Variants in DYRK1A observed in about 807,000 individuals in gnomAD.
The protein encoded by DYRK1A is dual specificity tyrosine phosphorylation regulated kinase 1A.
Under a neutral mutation model 79.7 loss-of-function variants are expected in DYRK1A, and 9 were observed. That is an observed-to-expected ratio of 0.11 (90% CI 0.07 to 0.20). The LOEUF (loss-of-function observed/expected upper bound fraction) is 0.20, where lower values mean the gene tolerates loss of function less well. Among genes scored for constraint, DYRK1A ranks in the 10% least tolerant of loss-of-function variants. DYRK1A has a pLI of 1.00. For synonymous variants in DYRK1A, 349 were observed against 329.7 expected, an observed-to-expected ratio of 1.06 and a Z score of -0.63; for missense variants, 622 against 956.0, an observed-to-expected ratio of 0.65 and a Z score of 4.61.
At chr21:37,488,872 G>A (rs1419926007) in intron 6 of DYRK1A, 1 of 985,116 alleles carries the variant, frequency 1.0e-6, no homozygotes, top group Non-Finnish European at 1.2e-6. Context: ...AGGTATCATG[G>A]AACTATGTTT....
chr21:37,411,164 G>A (rs1330318992), intron 1 of DYRK1A, among the ~76,000 whole-genome samples: 8 of 151,068 alleles, frequency 5.3e-5, no homozygotes, highest in Admixed American at 5.3e-4. Flanking sequence ...GAGACCAGCT[G>A]ACCAACATGG....
At position 37,482,156 on chromosome 21, in the gene DYRK1A, C is replaced by T. The variant is rs532387663; in HGVS notation, c.489+1330C>T. The stretch of plus-strand genomic sequence containing the variant: ...CTTCTCTGTTCCTGCCCTGAGAGAA[C>T]ACAAAATACATGCTCCTTTTTAACC... On this transcript the variant is annotated intron_variant, in intron 5 of 11. Transcript: ENST00000647188. Among the ~76,000 whole-genome samples, 102 of 152,278 alleles carry T rather than the reference C, an allele frequency of 6.7e-4. No homozygotes were observed. In the South Asian group the frequency reaches 0.011, roughly 16 times the overall value.
At chr21:37,482,756 A>T (rs1360818027) in intron 5 of DYRK1A, among the ~76,000 whole-genome samples, 4 of 152,130 alleles carry the variant, frequency 2.6e-5, no homozygotes, top group Non-Finnish European at 4.4e-5. Flanking sequence ...CGACCATAGA[A>T]GACGGCCACA....
intron 1 of DYRK1A, among the ~76,000 whole-genome samples, chr21:37,412,668 C>T (rs779161731): frequency 7.2e-5 from 11 of 152,140 alleles, no homozygotes; most frequent in Admixed American, 6.5e-5. Flanking sequence ...GCATGAGGCA[C>T]TTCGAAAATG....
intron 2 of DYRK1A, among the ~76,000 whole-genome samples, chr21:37,442,044 G>T (rs1251710589): frequency 6.8e-6 from 1 of 147,784 alleles, no homozygotes. Flanking sequence ...TAAAAATGTT[G>T]CTGCACCATC....
chr21:37,511,686 T>G (rs1214991281), intron 11 of DYRK1A, among the ~76,000 whole-genome samples: 2 of 152,340 alleles, frequency 1.3e-5, no homozygotes, highest in Non-Finnish European at 2.9e-5. Context: ...TGAACCTATT[T>G]AAGGATATAA....
At chr21:37,433,680 T>C (rs572441622) in intron 2 of DYRK1A, among the ~76,000 whole-genome samples, 2 of 152,334 alleles carry the variant, frequency 1.3e-5, no homozygotes, top group East Asian at 3.9e-4. Flanking sequence ...TTCAAACCTG[T>C]CTTAAGCCTT....
chr21:37,382,414 C>T (rs2148372128), intron 1 of DYRK1A, among the ~76,000 whole-genome samples: 1 of 152,060 alleles, frequency 6.6e-6, no homozygotes, highest in African/African-American at 2.4e-5. Context: ...GAAAACCTGG[C>T]TTGTGGATTG....
At chr21:37,505,122 T>A in intron 9 of DYRK1A, 161 bp from the exon 10 acceptor site, 1 of 618,668 alleles carries the variant, frequency 1.6e-6, no homozygotes. Flanking sequence ...CTACCATGCA[T>A]TTGGGATAGT....
chr21:37,515,367 G>T lies in DYRK1A; in HGVS notation c.*2836G>T, dbSNP rs1016465331. On this transcript the variant is annotated 3_prime_UTR_variant, in exon 12 of 12. Transcript: ENST00000647188. Reference sequence around the variant, plus strand: ...CAATCTCTGAAAGTAAAAATTGGAGGTTTAACAGATCATTTTGATTTTTCA... The same window carrying T: ...CAATCTCTGAAAGTAAAAATTGGAGTTTTAACAGATCATTTTGATTTTTCA... 1 of 152,532 alleles carries T rather than the reference G, an allele frequency of 6.6e-6. No homozygotes were observed. The highest frequency in any genetic ancestry group is 1.5e-5 in the Non-Finnish European group (1 of 68,030). 9.4% of individuals were successfully genotyped at this position (152,532 alleles called of 1,614,324 possible).
Position 37,498,214 on chromosome 21 carries a change from A to G in DYRK1A, c.1212+1956A>G, listed in dbSNP as rs562905450. On this transcript the variant is annotated intron_variant, in intron 9 of 11. Coordinates refer to ENST00000647188, the MANE Select transcript of DYRK1A (RefSeq NM_001347721.2). ...GGTGGAGGTGCAGAATGAAGAAGACAATAAATGATGCTTTTTTTGAAGTAC... is the reference window on the plus strand; with the variant it reads ...GGTGGAGGTGCAGAATGAAGAAGACGATAAATGATGCTTTTTTTGAAGTAC... Among the ~76,000 whole-genome samples the G allele has an allele frequency of 1.7e-4, 26 of 152,332 alleles. No homozygotes were observed. In the South Asian group the frequency reaches 5.4e-3, roughly 32 times the overall value.
intron 2 of DYRK1A, among the ~76,000 whole-genome samples, chr21:37,446,093 G>A (rs911156878): frequency 1.4e-5 from 2 of 145,200 alleles, no homozygotes; most frequent in Non-Finnish European, 3.0e-5. Flanking sequence ...AGAAGTGAAC[G>A]CAGTGATGTG....
At chr21:37,365,834 G>A (rs553200298), upstream of DYRK1A, 117 of 152,646 alleles carry the variant, frequency 7.7e-4, no homozygotes, top group African/African-American at 2.6e-3. Context: ...CGCCCCGAAA[G>A]GTGGGGAGAG....
intron 2 of DYRK1A, among the ~76,000 whole-genome samples, chr21:37,465,981 C>T (rs545949432): frequency 4.0e-4 from 61 of 152,344 alleles, no homozygotes; most frequent in African/African-American, 1.4e-3. Context: ...CTCCGCAAGA[C>T]AGTGCTGATG....
intron 4 of DYRK1A, 116 bp downstream of exon 4, chr21:37,478,416 T>G (rs1482525938): frequency 1.2e-5 from 9 of 746,326 alleles, no homozygotes; most frequent in East Asian, 5.6e-5. Context: ...TATTGATGAT[T>G]ATTATGAAGA....
chr21:37,416,317 C>CTTTTTTT (rs775621138), intron 1 of DYRK1A, among the ~76,000 whole-genome samples: 5,374 of 97,534 alleles, frequency 0.055, 218 homozygotes, highest in Non-Finnish European at 0.075. Context: ...GTGTTTTGGC[C>CTTTTTTT]TTTTTTTTTT....
chr21:37,493,253 C>A, intron 8 of DYRK1A, 90 bp downstream of exon 8: 1 of 1,298,398 alleles, frequency 7.7e-7, no homozygotes, highest in Non-Finnish European at 1.1e-6. Context: ...TGTTTTTAGG[C>A]AAAGATGTCT....
At chr21:37,368,974 C>T (rs573494302) in intron 1 of DYRK1A, among the ~76,000 whole-genome samples, 1 of 151,974 alleles carries the variant, frequency 6.6e-6, no homozygotes, top group Non-Finnish European at 1.5e-5. Flanking sequence ...CCTTTCCCCC[C>T]CCAAGAAAAC....
At chr21:37,365,701 G>C (rs949750131), upstream of DYRK1A, 9 of 152,250 alleles carry the variant, frequency 5.9e-5, no homozygotes, top group African/African-American at 2.2e-4. Flanking sequence ...ACAAGCAGGC[G>C]AATTAAGACT....
Sources: gnomAD v4.1 joint callset for allele counts (sites outside exome capture counted in the v4.1 genomes callset) on GRCh38, gnomAD v4.1.1 for gene constraint, MANE v1.5 for transcripts, NCBI Gene and HGNC (gene_info 2026-07-23, HGNC 2026-07-21) for gene names.